STIP1: variants seen among roughly 807,000 people sequenced by gnomAD.
STIP1 encodes the protein stress induced phosphoprotein 1, also known as stress-induced-phosphoprotein 1.
Under a neutral mutation model 77.4 loss-of-function variants are expected in STIP1, and 16 were observed. That is an observed-to-expected ratio of 0.21 (90% CI 0.14 to 0.31). The LOEUF (loss-of-function observed/expected upper bound fraction) is 0.31, where lower values mean the gene tolerates loss of function less well. Ranked by LOEUF, STIP1 falls within the 10% of genes least tolerant of loss-of-function variation. The pLI is 1.00. For synonymous variants in STIP1, 258 were observed against 246.6 expected, an observed-to-expected ratio of 1.05 and a Z score of -0.44; for missense variants, 524 against 684.8, an observed-to-expected ratio of 0.77 and a Z score of 2.62.
intron 10 of STIP1, among the ~76,000 whole-genome samples, chr11:64,202,172 A>G (rs551754775): frequency 6.2e-4 from 94 of 152,288 alleles, no homozygotes; most frequent in Non-Finnish European, 1.2e-3. Context: ...ATCCATACTT[A>G]GACTTGCCCA....
At chr11:64,185,956 T>G (rs766346488), upstream of STIP1, 2 of 1,537,852 alleles carry the variant, frequency 1.3e-6, no homozygotes. Flanking sequence ...CCTCCCTCCA[T>G]TCGTGGAGCC....
rs150601064 is a variant in STIP1 at position 64,196,565 on chromosome 11, C to T, written c.673-706C>T. ...AGTTGAGAGTAATTCACGTCCTTGTCGTGATCCGAAGAATGTTGTCCACAT... is the reference window on the plus strand; with the variant it reads ...AGTTGAGAGTAATTCACGTCCTTGTTGTGATCCGAAGAATGTTGTCCACAT... On this transcript the variant is annotated intron_variant, in intron 5 of 13. Coordinates refer to ENST00000305218, the MANE Select transcript of STIP1 (RefSeq NM_006819.3). Among the ~76,000 whole-genome samples the T allele has an allele frequency of 1.9e-3, 289 of 152,124 alleles. 1 individual carries two copies. The highest frequency in any genetic ancestry group is 6.5e-3 in the African/African-American group (270 of 41,500).
chr11:64,186,621 G>A (rs1946021783), intron 1 of STIP1: 1 of 187,714 alleles, frequency 5.3e-6, no homozygotes, highest in South Asian at 1.9e-4. Flanking sequence ...CGGGCCGCAG[G>A]GGGCGGGGTG....
chr11:64,195,834 C>G (rs1946143839), intron 5 of STIP1, 21 bp downstream of exon 5: 1 of 1,613,798 alleles, frequency 6.2e-7, no homozygotes, highest in Non-Finnish European at 8.5e-7. Flanking sequence ...TTTCTCTCCT[C>G]ACTGTCACCT....
intron 7 of STIP1, 50 bp downstream of exon 7, chr11:64,197,645 C>A: frequency 6.2e-7 from 1 of 1,606,252 alleles, no homozygotes; most frequent in Non-Finnish European, 8.5e-7. Context: ...GGTTTGCTGT[C>A]CAAGACTTAA....
chr11:64,199,464 G>A (rs1386260608), intron 8 of STIP1, among the ~76,000 whole-genome samples: 4 of 138,632 alleles, frequency 2.9e-5, no homozygotes, highest in African/African-American at 8.2e-5. Context: ...CCGAGATCGC[G>A]CCACTGCACT....
chr11:64,191,664 CT>C (rs1238397325), intron 1 of STIP1, among the ~76,000 whole-genome samples: 1 of 151,910 alleles, frequency 6.6e-6, no homozygotes, highest in Admixed American at 6.6e-5. Context: ...CTCAGGTAGG[CT>C]GCTGTGGGGC....
At chr11:64,203,329 C>T in intron 12 of STIP1, 101 bp downstream of exon 12, 2 of 1,572,658 alleles carry the variant, frequency 1.3e-6, no homozygotes, top group Non-Finnish European at 1.7e-6. Context: ...CTCCATTTCT[C>T]TCTGTTTCTC....
intron 1 of STIP1, among the ~76,000 whole-genome samples, chr11:64,187,057 G>C (rs896413611): frequency 2.0e-5 from 3 of 152,100 alleles, no homozygotes; most frequent in Non-Finnish European, 4.4e-5. Flanking sequence ...CTGAAAGATG[G>C]GTTTCTGACG....
At chr11:64,201,747 T>C (rs995308730) in intron 10 of STIP1, among the ~76,000 whole-genome samples, 12 of 152,212 alleles carry the variant, frequency 7.9e-5, no homozygotes, top group Non-Finnish European at 1.5e-4. Flanking sequence ...AGGCAAAGAA[T>C]AGCAGGTTGT....
rs1045290907 is a variant in STIP1 at position 64,198,067 on chromosome 11, T to TC, written c.1023+93_1023+94insC. The stretch of plus-strand genomic sequence containing the variant: ...TTATTTAATAATGAACTTGACTTTT[T>TC]TTTTTTTTTGAGATAGGGTCTCACT... On this transcript the variant is annotated intron_variant, in intron 8 of 13. Transcript: ENST00000305218. The TC allele has an allele frequency of 4.4e-5, 67 of 1,508,328 alleles. No homozygotes were observed. In the African/African-American group the frequency reaches 8.0e-4, roughly 18 times the overall value. The allele number at this position is 1,508,328 out of a possible 1,614,324, so 93.4% of individuals were successfully genotyped here.
At chr11:64,185,556 C>T, upstream of STIP1, 2 of 493,398 alleles carry the variant, frequency 4.1e-6, no homozygotes, top group South Asian at 2.5e-5. Flanking sequence ...CATCCCGATG[C>T]GCGGGCGAAG....
chr11:64,197,128 G>C, intron 5 of STIP1, 143 bp from the exon 6 acceptor site: 1 of 1,045,388 alleles, frequency 9.6e-7, no homozygotes, highest in Non-Finnish European at 1.4e-6. Context: ...ATTGTCTATA[G>C]CTGACTGATG....
intron 4 of STIP1, among the ~76,000 whole-genome samples, 185 bp from the exon 5 acceptor site, chr11:64,195,460 T>C (rs1946138783): frequency 6.6e-6 from 1 of 152,188 alleles, no homozygotes; most frequent in Admixed American, 6.6e-5. Flanking sequence ...CTATTTTAGA[T>C]AGTGTTTTGA....
chr11:64,192,159 C>G (rs1946100102), intron 1 of STIP1, among the ~76,000 whole-genome samples: 1 of 152,126 alleles, frequency 6.6e-6, no homozygotes, highest in African/African-American at 2.4e-5. Context: ...ACTAAAATTA[C>G]AAAAATTAGC....
chr11:64,202,463 G>C (rs1329013826), intron 10 of STIP1: 1 of 151,376 alleles, frequency 6.6e-6, no homozygotes, highest in East Asian at 1.9e-4. Flanking sequence ...GGCCAGGCTG[G>C]TGTCAAACTC....
upstream of STIP1, chr11:64,185,703 C>G (rs906981827): frequency 2.2e-6 from 3 of 1,358,118 alleles, no homozygotes; most frequent in Non-Finnish European, 3.0e-6. Flanking sequence ...CCGGTACTCC[C>G]ATATATCAGG....
chr11:64,198,105 C>G, intron 8 of STIP1, 131 bp downstream of exon 8: 6 of 1,297,376 alleles, frequency 4.6e-6, no homozygotes, highest in Non-Finnish European at 6.2e-6. Context: ...TTCACCCAGG[C>G]TGAAAGACAG....
chr11:64,202,609 G>A (rs978919597), intron 10 of STIP1: 6 of 476,072 alleles, frequency 1.3e-5, no homozygotes, highest in East Asian at 3.8e-5. Context: ...CAAGGCCCAC[G>A]CATTTTGTCT....
Sources: allele counts gnomAD v4.1 joint callset (sites outside exome capture counted in the v4.1 genomes callset), GRCh38; gene constraint gnomAD v4.1.1; transcripts MANE v1.5; gene names NCBI Gene and HGNC (gene_info 2026-07-23, HGNC 2026-07-21).